Variants in SCAI observed in about 807,000 individuals in gnomAD.
SCAI encodes suppressor of cancer cell invasion, also known as protein SCAI.
Under a neutral mutation model 92.2 loss-of-function variants are expected in SCAI, and 24 were observed. That is an observed-to-expected ratio of 0.26 (90% CI 0.19 to 0.37). The LOEUF is 0.37. Ranked by LOEUF, SCAI falls within the 10% of genes least tolerant of loss-of-function variation. SCAI has a pLI of 1.00. For missense variants in SCAI, 450 were observed against 736.2 expected (o/e 0.61, Z 4.50); for synonymous variants, 261 against 258.6 (o/e 1.01, Z -0.09).
chr9:125,075,584 G>A (rs1834071918), intron 2 of SCAI, among the ~76,000 whole-genome samples: 2 of 132,378 alleles, frequency 1.5e-5, no homozygotes, highest in Non-Finnish European at 3.1e-5. Flanking sequence ...TTTTTTTTTC[G>A]AGATGGAGTT....
Position 125,085,579 on chromosome 9 carries a change from T to C in SCAI, c.99-29572A>G, listed in dbSNP as rs1391964722. Among the ~76,000 whole-genome samples, 3 of 152,144 alleles carry C rather than the reference T, an allele frequency of 2.0e-5. No individual in the cohort carries two copies. In the East Asian group the frequency reaches 5.8e-4, roughly 29 times the overall value. ...GGTTCATGCCTGTAATCCCAGCACT[T>C]TGGGAAGCCAATGCAGGAGGATTAC... On this transcript the variant is annotated intron_variant, in intron 2 of 17. Coordinates refer to ENST00000336505, the MANE Select transcript of SCAI (RefSeq NM_001144877.3).
chr9:125,001,611 T>C (rs1313955700), intron 12 of SCAI, among the ~76,000 whole-genome samples: 3 of 152,238 alleles, frequency 2.0e-5, no homozygotes, highest in South Asian at 2.1e-4. Flanking sequence ...AATTCAATGA[T>C]GTGAAATAGA....
intron 14 of SCAI, among the ~76,000 whole-genome samples, chr9:124,978,481 A>G (rs1000505511): frequency 6.6e-6 from 1 of 152,200 alleles, no homozygotes; most frequent in Non-Finnish European, 1.5e-5. Context: ...AAAATTTCTA[A>G]AAGTTTGAGA....
chr9:125,073,212 C>T (rs1337170043), intron 2 of SCAI, among the ~76,000 whole-genome samples: 1 of 140,948 alleles, frequency 7.1e-6, no homozygotes, highest in Non-Finnish European at 1.5e-5. Flanking sequence ...TCACGCCATT[C>T]TCCTGCCTCA....
chr9:125,082,702 G>A (rs1201597800), intron 2 of SCAI, among the ~76,000 whole-genome samples: 1 of 152,238 alleles, frequency 6.6e-6, no homozygotes, highest in Non-Finnish European at 1.5e-5. Context: ...CATCAAAGGA[G>A]TTCATTTTGG....
At position 125,085,348 on chromosome 9, in the gene SCAI, G is replaced by A. The variant is rs188630503; in HGVS notation, c.99-29341C>T. Among the ~76,000 whole-genome samples the A allele has an allele frequency of 1.2e-3, 183 of 152,216 alleles. 1 individual carries two copies. The highest frequency in any genetic ancestry group is 3.9e-3 in the African/African-American group (163 of 41,538). On this transcript the variant is annotated intron_variant, in intron 2 of 17. Coordinates refer to ENST00000336505, the MANE Select transcript of SCAI (RefSeq NM_001144877.3). ...CTAAAAATACAAAAATTAGCCTTGC[G>A]TGGTGGCGTGCACCTGTAGTCACAG...
rs527415770 is a variant in SCAI, at chr9:124,953,414, G to T, written c.1675-461C>A. On this transcript the variant is annotated intron_variant, in intron 17 of 17. Coordinates refer to ENST00000336505, the MANE Select transcript of SCAI (RefSeq NM_001144877.3). ...GAGGCCGAAGCGGGCAGATCATGAG[G>T]TCAGGAGTTTGAGACCAGCCTGGCC... Among the ~76,000 whole-genome samples the T allele has an allele frequency of 1.1e-4, 17 of 152,210 alleles. No homozygotes were observed. In the South Asian group the frequency reaches 3.3e-3, roughly 30 times the overall value.
intron 9 of SCAI, among the ~76,000 whole-genome samples, chr9:125,004,088 A>G (rs1281546940): frequency 6.6e-6 from 1 of 152,134 alleles, no homozygotes; most frequent in African/African-American, 2.4e-5. Context: ...AGGCAGAAGA[A>G]TCGCTTGAAC....
At chr9:125,057,497 C>T (rs1360129721) in intron 2 of SCAI, among the ~76,000 whole-genome samples, 1 of 152,162 alleles carries the variant, frequency 6.6e-6, no homozygotes, top group Non-Finnish European at 1.5e-5. Context: ...CAGCTAGAAC[C>T]ATTAAAGTAA....
rs1181465558 is a variant in SCAI, at chr9:124,983,415, G to A, written c.1327-7229C>T. Among the ~76,000 whole-genome samples the A allele has an allele frequency of 3.3e-5, 5 of 152,064 alleles. No homozygotes were observed. In the South Asian group the frequency reaches 6.2e-4, roughly 19 times the overall value. ...GTTGCCCAGGCTGGAGTGCAGTGGC[G>A]ATCTCAGCTCACTGCAACCACCACC... On this transcript the variant is annotated intron_variant, in intron 14 of 17. Coordinates refer to ENST00000336505, the MANE Select transcript of SCAI (RefSeq NM_001144877.3).
At position 124,961,769 on chromosome 9, in the gene SCAI, C is replaced by G. The variant is rs143090701; in HGVS notation, c.1675-8816G>C. Among the ~76,000 whole-genome samples the G allele has an allele frequency of 3.9e-5, 6 of 152,174 alleles. No homozygotes were observed. In the East Asian group the frequency reaches 1.2e-3, roughly 29 times the overall value. On this transcript the variant is annotated intron_variant, in intron 17 of 17. Coordinates refer to ENST00000336505, the MANE Select transcript of SCAI (RefSeq NM_001144877.3). The stretch of plus-strand genomic sequence containing the variant: ...TGCAGGGGTTAGGGATGCTGAGCCC[C>G]CTCCCTAACACAGTTAAAAATCCAT...
chr9:125,105,587 C>G (rs1834759705), intron 2 of SCAI, among the ~76,000 whole-genome samples: 1 of 152,106 alleles, frequency 6.6e-6, no homozygotes. Context: ...TACAGTGTAT[C>G]TGAATGTGTA....
chr9:125,099,503 A>C (rs974663901), intron 2 of SCAI, among the ~76,000 whole-genome samples: 2 of 150,938 alleles, frequency 1.3e-5, no homozygotes, highest in Non-Finnish European at 3.0e-5. Context: ...GCTAGTCTCG[A>C]CCTCCTGGCC....
rs143876924 is a variant in SCAI, at chr9:125,126,458, C to CAG, written c.98+16173_98+16174dup. 0.018 allele frequency among the ~76,000 whole-genome samples: 2,608 copies of CAG among 145,856 alleles called. 147 individuals carry two copies. In the East Asian group the frequency reaches 0.22, roughly 12 times the overall value. On this transcript the variant is annotated intron_variant, in intron 2 of 17. Coordinates refer to ENST00000336505, the MANE Select transcript of SCAI (RefSeq NM_001144877.3). ...GAGAACACACATGCAAGGCAGAAGT[C>CAG]AGAGAGAGAGAGACAGAACACACAT...
rs535241779 is a variant in SCAI, at chr9:125,073,253, C to T, written c.99-17246G>A. On this transcript the variant is annotated intron_variant, in intron 2 of 17. Transcript: ENST00000336505. Reference sequence around the variant, plus strand: ...CCGAGTAGCTGGGACTACAGGCGCCCGCTACCACGCCCGGCTAATTTTTTG... The same window carrying T: ...CCGAGTAGCTGGGACTACAGGCGCCTGCTACCACGCCCGGCTAATTTTTTG... Among the ~76,000 whole-genome samples, 10 of 149,784 alleles carry T rather than the reference C, an allele frequency of 6.7e-5. No homozygotes were observed. In the South Asian group the frequency reaches 1.9e-3, roughly 29 times the overall value.
At chr9:125,133,061 A>G (rs1177401144) in intron 2 of SCAI, among the ~76,000 whole-genome samples, 1 of 152,158 alleles carries the variant, frequency 6.6e-6, no homozygotes, top group Non-Finnish European at 1.5e-5. Context: ...GGCAAGCCAT[A>G]CATGGGAGAA....
intron 13 of SCAI, among the ~76,000 whole-genome samples, chr9:124,995,660 T>C (rs1832224180): frequency 6.6e-6 from 1 of 152,070 alleles, no homozygotes; most frequent in Non-Finnish European, 1.5e-5. Context: ...CCAGCTAATT[T>C]TTCTCTTTTT....
chr9:125,046,754 G>A (rs1054763044), intron 3 of SCAI, among the ~76,000 whole-genome samples: 1 of 149,684 alleles, frequency 6.7e-6, no homozygotes, highest in African/African-American at 2.5e-5. Context: ...ACCAATTCCC[G>A]ATCCAGCTTC....
intron 10 of SCAI, 124 bp from the exon 11 acceptor site, chr9:125,003,339 T>C (rs1048508578): frequency 6.1e-6 from 6 of 991,626 alleles, no homozygotes; most frequent in Non-Finnish European, 9.7e-6. Context: ...ACTGTGATGA[T>C]CTATTTCTCC....
Sources: allele counts gnomAD v4.1 joint callset (sites outside exome capture counted in the v4.1 genomes callset), GRCh38; gene constraint gnomAD v4.1.1; transcripts MANE v1.5; gene names NCBI Gene and HGNC (gene_info 2026-07-23, HGNC 2026-07-21).